The following NDUFA9 variants were observed in gnomAD, a reference collection of about 807,000 sequenced individuals.
NDUFA9 encodes the protein NADH dehydrogenase [ubiquinone] 1 alpha subcomplex subunit 9, mitochondrial.
Under a neutral mutation model 45.9 loss-of-function variants are expected in NDUFA9, and 23 were observed. The ratio of observed to expected loss-of-function variants is 0.50; its 90% CI spans 0.36 to 0.71. NDUFA9 has a LOEUF of 0.71. Ranked by LOEUF, NDUFA9 falls within the 30% of genes least tolerant of loss-of-function variation. The pLI, the probability that NDUFA9 is intolerant of heterozygous loss-of-function variation, is 0.00. For synonymous variants in NDUFA9, 176 were observed against 170.5 expected (o/e 1.03, Z -0.25); for missense variants, 466 against 488.2 (o/e 0.95, Z 0.43).
rs561011196 is a variant in NDUFA9 at position 4,686,517 on chromosome 12, CAG to C, written c.964-420_964-419del. On this transcript the variant is annotated intron_variant, in intron 10 of 10. Coordinates refer to ENST00000266544, the MANE Select transcript of NDUFA9 (RefSeq NM_005002.5). ...AGTCAGAACGCCCGTGCTCAGAAAACAGGGGCGTGAGAGGACTGAGGAATGGA... is the reference window on the plus strand; with the variant it reads ...AGTCAGAACGCCCGTGCTCAGAAAACGGGCGTGAGAGGACTGAGGAATGGA... Among the ~76,000 whole-genome samples the C allele has an allele frequency of 6.9e-3, 1,048 of 151,490 alleles. 8 individuals are homozygous for C. The highest frequency in any genetic ancestry group is 0.011 in the Non-Finnish European group (729 of 67,902).
intron 6 of NDUFA9, among the ~76,000 whole-genome samples, chr12:4,664,466 G>A (rs1385612527): frequency 1.3e-5 from 2 of 152,248 alleles, no homozygotes; most frequent in African/African-American, 4.8e-5. Flanking sequence ...GACCCCAAAA[G>A]GGGTTCAGAG....
At chr12:4,671,790 A>G (rs1945888663) in intron 8 of NDUFA9, among the ~76,000 whole-genome samples, 1 of 152,232 alleles carries the variant, frequency 6.6e-6, no homozygotes, top group African/African-American at 2.4e-5. Context: ...AAAAGGTGCT[A>G]TGGCATTTCA....
intron 1 of NDUFA9, among the ~76,000 whole-genome samples, chr12:4,652,995 T>C (rs1460340427): frequency 6.6e-6 from 1 of 152,272 alleles, no homozygotes; most frequent in Admixed American, 6.5e-5. Flanking sequence ...GTCCTGTTTG[T>C]GTCTTTCACC....
chr12:4,676,218 T>G (rs1260703812), intron 8 of NDUFA9, among the ~76,000 whole-genome samples: 1 of 152,216 alleles, frequency 6.6e-6, no homozygotes, highest in Non-Finnish European at 1.5e-5. Context: ...GCATTCCCTT[T>G]GAAAATCGGC....
chr12:4,668,465 C>G lies in NDUFA9; in HGVS notation c.664C>G (p.Arg222Gly), dbSNP rs200198459. ...ATTCTTTCTTCCGCTAGGTATGCAT[C>G]GGTTTGGTCCTATACCCCTTGGTTC... ...RFLNSFASMH[R>G]FGPIPLGSLG... Residue 222 changes from arginine to glycine, a missense_variant, in exon 7 of 11, where the codon CGG (arginine) becomes GGG (glycine). By Grantham distance (125) the Arg-to-Gly change is moderately radical. Transcript: ENST00000266544. 6.2e-7 allele frequency: 1 copy of G among 1,613,186 alleles called. No individual in the cohort carries two copies. The highest frequency in any genetic ancestry group is 1.7e-5 in the Admixed American group (1 of 60,022).
chr12:4,673,371 T>G (rs1945899250), intron 8 of NDUFA9, among the ~76,000 whole-genome samples: 1 of 151,912 alleles, frequency 6.6e-6, no homozygotes, highest in Non-Finnish European at 1.5e-5. Flanking sequence ...AGAATGAGTT[T>G]GACGATTTGA....
rs1945866800 is a variant in NDUFA9, at chr12:4,668,521, A to G, written c.720A>G (p.Val240=). Residue 240 remains valine (V), a synonymous_variant, in exon 7 of 11, where the codon GTA becomes GTG. Coordinates refer to ENST00000266544, the MANE Select transcript of NDUFA9 (RefSeq NM_005002.5). ...SLGWKTVKQP[V]YVVDVSKGIV... ...GCTGGAAGACAGTTAAACAACCAGT[A>G]TATGTAAGTACTTGGATGAAGGGGG... is the stretch of plus-strand genomic sequence containing the variant. 1.2e-6 allele frequency: 2 copies of G among 1,609,582 alleles called. No homozygotes were observed. Among genetic ancestry groups the G allele is most frequent in the Non-Finnish European group, 1.7e-6 (2 of 1,175,852 alleles).
chr12:4,692,316 G>C lies in NDUFA9; in HGVS notation c.*5208G>C, dbSNP rs1328500955. ...AGATAGTGAGTTCTTACAAGATCTG[G>C]TCATTTAAAAGTGTGAGGCAACTCT... is the stretch of plus-strand genomic sequence containing the variant. On this transcript the variant is annotated 3_prime_UTR_variant, in exon 11 of 11. Coordinates refer to ENST00000266544, the MANE Select transcript of NDUFA9 (RefSeq NM_005002.5). 6.6e-6 allele frequency: 1 copy of C among 152,046 alleles called. No individual in the cohort carries two copies. The highest frequency in any genetic ancestry group is 1.5e-5 in the Non-Finnish European group (1 of 67,992). 9.4% of individuals were successfully genotyped at this position (152,046 alleles called of 1,614,324 possible).
intron 6 of NDUFA9, 147 bp from the exon 7 acceptor site, chr12:4,668,310 C>T: frequency 7.8e-6 from 5 of 640,036 alleles, no homozygotes; most frequent in East Asian, 2.8e-5. Context: ...TAATGACTGC[C>T]TTTTGTAAGT....
chr12:4,671,099 C>T (rs1335869969), intron 8 of NDUFA9, among the ~76,000 whole-genome samples: 1 of 152,092 alleles, frequency 6.6e-6, no homozygotes, highest in East Asian at 1.9e-4. Context: ...TCTCTTCAGC[C>T]CCAGGAAAAA....
At chr12:4,686,634 A>G (rs1945988402) in intron 10 of NDUFA9, among the ~76,000 whole-genome samples, 1 of 151,968 alleles carries the variant, frequency 6.6e-6, no homozygotes, top group Admixed American at 6.6e-5. Flanking sequence ...CCTGCCCTAG[A>G]TTTATTTCTG....
At chr12:4,655,632 A>G (rs757399498) in intron 3 of NDUFA9, 6 of 152,206 alleles carry the variant, frequency 3.9e-5, no homozygotes, top group Non-Finnish European at 7.3e-5. Context: ...ATAAACATAA[A>G]AAAATCACAA....
intron 9 of NDUFA9, among the ~76,000 whole-genome samples, chr12:4,684,633 A>T (rs1945973207): frequency 6.6e-6 from 1 of 152,166 alleles, no homozygotes; most frequent in African/African-American, 2.4e-5. Flanking sequence ...GAAAAGAAAA[A>T]GTCACTGCCC....
At chr12:4,659,007 A>C in intron 4 of NDUFA9, 29 bp from the exon 5 acceptor site, 1 of 1,602,960 alleles carries the variant, frequency 6.2e-7, no homozygotes, top group Non-Finnish European at 8.5e-7. Flanking sequence ...TGGAGTTCTT[A>C]ACCAATCCTT....
At chr12:4,683,082 T>C (rs1945963441) in intron 9 of NDUFA9, among the ~76,000 whole-genome samples, 1 of 151,614 alleles carries the variant, frequency 6.6e-6, no homozygotes, top group African/African-American at 2.4e-5. Context: ...GGTGCACACC[T>C]ATAGTCCCAG....
chr12:4,679,202 A>G (rs1945938412), intron 8 of NDUFA9, among the ~76,000 whole-genome samples: 1 of 152,208 alleles, frequency 6.6e-6, no homozygotes, highest in Non-Finnish European at 1.5e-5. Flanking sequence ...TGAAGTATCT[A>G]TAAAAGGCAA....
Position 4,680,611 on chromosome 12 carries a change from G to A in NDUFA9, c.801-1594G>A, listed in dbSNP as rs997920119. On this transcript the variant is annotated intron_variant, in intron 8 of 10. Transcript: ENST00000266544. ...CATGATACCAGTTTTGTTTGTCATC[G>A]TAAAAATTCAAGTTGCTCTTGGCGT... Among the ~76,000 whole-genome samples, 4 of 152,148 alleles carry A rather than the reference G, an allele frequency of 2.6e-5. No homozygotes were observed. The East Asian group carries it at 5.8e-4, about 22-fold the overall frequency.
At position 4,654,253 on chromosome 12, in the gene NDUFA9, A is replaced by G. The variant is rs779882427; in HGVS notation, c.50-39A>G. ...TGTGTTGACAGTTTTAAAAATATTAATATTTGCCATGCTTGTATACTTTGG... is the reference window on the plus strand; with the variant it reads ...TGTGTTGACAGTTTTAAAAATATTAGTATTTGCCATGCTTGTATACTTTGG... On this transcript the variant is annotated intron_variant, in intron 1 of 10. Transcript: ENST00000266544. The G allele has an allele frequency of 1.5e-5, 23 of 1,550,730 alleles. No homozygotes were observed. The South Asian group carries it at 2.6e-4, about 18-fold the overall frequency.
At chr12:4,683,608 G>T (rs534069417) in intron 9 of NDUFA9, among the ~76,000 whole-genome samples, 10 of 152,268 alleles carry the variant, frequency 6.6e-5, no homozygotes, top group African/African-American at 2.4e-4. Flanking sequence ...TATTCACTTT[G>T]TCTCCTTTAA....
Sources: gnomAD v4.1 joint callset for allele counts (sites outside exome capture counted in the v4.1 genomes callset) on GRCh38, gnomAD v4.1.1 for gene constraint, MANE v1.5 for transcripts, NCBI Gene and HGNC (gene_info 2026-07-23, HGNC 2026-07-21) for gene names.